CRIM1: variants seen among roughly 807,000 people sequenced by gnomAD.
The protein encoded by CRIM1 is cysteine rich transmembrane BMP regulator 1.
CRIM1 carries 32 observed loss-of-function variants against 116.4 expected under a neutral mutation model. The observed-to-expected ratio is 0.27, with a 90% CI of 0.21 to 0.37. The LOEUF is 0.37. CRIM1 is among the 10% of genes least tolerant of loss of function. CRIM1 has a pLI of 1.00. For synonymous variants in CRIM1, 590 were observed against 509.2 expected (o/e 1.16, Z -2.13); for missense variants, 1,331 against 1,354.8 (o/e 0.98, Z 0.28).
At chr2:36,535,512 T>C (rs1368006668) in intron 13 of CRIM1, among the ~76,000 whole-genome samples, 1 of 152,220 alleles carries the variant, frequency 6.6e-6, no homozygotes, top group Non-Finnish European at 1.5e-5. Flanking sequence ...GAAAAATTGA[T>C]TTCTGATTAC....
intron 2 of CRIM1, among the ~76,000 whole-genome samples, chr2:36,432,508 A>G (rs2124905946): frequency 6.6e-6 from 1 of 152,260 alleles, no homozygotes; most frequent in East Asian, 1.9e-4. Context: ...ATTCAGTAGG[A>G]TGCAAACAGG....
At position 36,479,571 on chromosome 2, in the gene CRIM1, C is replaced by T. The variant is rs1045365045; in HGVS notation, c.1249C>T (p.Arg417Trp). 4.3e-6 allele frequency: 7 copies of T among 1,614,086 alleles called. No homozygotes were observed. Among genetic ancestry groups the T allele is most frequent in the Middle Eastern group, 1.6e-4 (1 of 6,084 alleles). ...GLILAHGDRW[R>W]EDDCTFCQCV... is the part of the protein sequence containing the mutation. ...GATCCTTGCCCACGGAGACCGGTGGCGGGAAGACGACTGCACATTCTGCCA... is the reference window on the plus strand; with the variant it reads ...GATCCTTGCCCACGGAGACCGGTGGTGGGAAGACGACTGCACATTCTGCCA... The change falls in exon 7 of 17, where the codon CGG becomes TGG. Residue 417 changes from arginine to tryptophan, a missense_variant. By Grantham distance (101) the Arg-to-Trp change is moderately radical. This residue lies in a region of CRIM1 where 690 missense variants were observed against 676.0 expected (regional missense o/e 1.02). Transcript: ENST00000280527.
At chr2:36,358,734 C>T (rs1343912792) in intron 1 of CRIM1, among the ~76,000 whole-genome samples, 1 of 151,466 alleles carries the variant, frequency 6.6e-6, no homozygotes, top group African/African-American at 2.4e-5. Context: ...GGCCTGTTTT[C>T]AACTATCAAT....
rs1266317412 is a variant in CRIM1 at position 36,356,987 on chromosome 2, C to G, written c.331+364C>G. 1.3e-5 allele frequency among the ~76,000 whole-genome samples: 2 copies of G among 152,148 alleles called. No individual in the cohort carries two copies. Among genetic ancestry groups the G allele is most frequent in the East Asian group, 3.9e-4 (2 of 5,160 alleles). On this transcript the variant is annotated intron_variant, in intron 1 of 16. Transcript: ENST00000280527. The surrounding 1 kb of genome is among the most constrained non-coding windows in gnomAD (Gnocchi z 4.3). ...GGGGCACTGCAGATTCTGCCGCGCG[C>G]GAGCCCCTCGGGGAGCCCGGCCCTA... is the stretch of plus-strand genomic sequence containing the variant.
chr2:36,539,566 G>A (rs985322998), intron 14 of CRIM1, among the ~76,000 whole-genome samples: 3 of 152,172 alleles, frequency 2.0e-5, no homozygotes, highest in Admixed American at 2.0e-4. Context: ...AGACTGTGGG[G>A]CATGGAGGTC....
chr2:36,417,097 G>C (rs1673678418), intron 2 of CRIM1, among the ~76,000 whole-genome samples: 1 of 152,146 alleles, frequency 6.6e-6, no homozygotes, highest in Admixed American at 6.5e-5. Flanking sequence ...TCTTCAGAAG[G>C]CTGTCATTCT....
intron 1 of CRIM1, among the ~76,000 whole-genome samples, chr2:36,359,556 C>A (rs908901573): frequency 6.6e-6 from 1 of 151,956 alleles, no homozygotes; most frequent in Non-Finnish European, 1.5e-5. Context: ...AGTAAAAGTA[C>A]ATTGAACAAA....
At chr2:36,455,184 A>T (rs1179884134) in intron 4 of CRIM1, among the ~76,000 whole-genome samples, 2 of 152,258 alleles carry the variant, frequency 1.3e-5, no homozygotes, top group African/African-American at 4.8e-5. Flanking sequence ...TGGCTGCAGG[A>T]CTGAGTCACC....
intron 5 of CRIM1, among the ~76,000 whole-genome samples, chr2:36,467,940 C>T (rs1035651727): frequency 2.0e-5 from 3 of 152,172 alleles, no homozygotes; most frequent in Non-Finnish European, 4.4e-5. Flanking sequence ...TGCTTAATTG[C>T]GTTAACACCA....
chr2:36,390,831 A>G (rs761519860), intron 1 of CRIM1, among the ~76,000 whole-genome samples: 1 of 151,956 alleles, frequency 6.6e-6, no homozygotes, highest in African/African-American at 2.4e-5. Context: ...TATTTTTTTG[A>G]CAGAGTCTTG....
At chr2:36,400,544 G>A (rs149023903) in intron 2 of CRIM1, among the ~76,000 whole-genome samples, 2,480 of 152,188 alleles carry the variant, frequency 0.016, 42 homozygotes, top group Middle Eastern at 0.044. Context: ...TTTTTAAAGG[G>A]GAAAAGGAAG....
chr2:36,442,326 G>C (rs983523173), intron 3 of CRIM1, among the ~76,000 whole-genome samples: 5 of 151,594 alleles, frequency 3.3e-5, no homozygotes, highest in African/African-American at 1.2e-4. Context: ...CTATCAATCA[G>C]AAATGCCTCT....
At chr2:36,383,879 A>G (rs1403138865) in intron 1 of CRIM1, among the ~76,000 whole-genome samples, 2 of 152,182 alleles carry the variant, frequency 1.3e-5, no homozygotes, top group African/African-American at 2.4e-5. Context: ...ATACTCAGGG[A>G]ATCAGTTGAT....
chr2:36,400,050 G>A (rs1297622303), intron 2 of CRIM1, among the ~76,000 whole-genome samples: 9 of 152,134 alleles, frequency 5.9e-5, no homozygotes, highest in South Asian at 2.1e-4. Flanking sequence ...AGAGGTAGCC[G>A]GTTGGGTATT....
chr2:36,433,950 T>C (rs1675094538), intron 2 of CRIM1, among the ~76,000 whole-genome samples: 1 of 152,120 alleles, frequency 6.6e-6, no homozygotes, highest in Non-Finnish European at 1.5e-5. Flanking sequence ...GTGCAGTGGG[T>C]GTTTCTGAAC....
At chr2:36,500,669 A>C (rs1680922878) in intron 8 of CRIM1, among the ~76,000 whole-genome samples, 1 of 152,224 alleles carries the variant, frequency 6.6e-6, no homozygotes, top group Non-Finnish European at 1.5e-5. Flanking sequence ...AATAAGCACA[A>C]CTTATATATC....
At chr2:36,388,075 G>T (rs1671304497) in intron 1 of CRIM1, among the ~76,000 whole-genome samples, 1 of 149,626 alleles carries the variant, frequency 6.7e-6, no homozygotes. Flanking sequence ...TTAAGTATTT[G>T]GTAAGTTCCC....
In CRIM1 at chr2:36,356,548, C is replaced by G. The variant is rs756684223; in HGVS notation, c.256C>G (p.Arg86Gly). The change falls in exon 1 of 17, where the codon CGG (arginine) becomes GGG (glycine). Residue 86 changes from arginine to glycine, a missense_variant. Physicochemically the swap from Arg to Gly is moderately radical, Grantham distance 125. Around this residue, in one of 3 missense-constraint regions of CRIM1, gnomAD observed 690 missense variants for 676.0 expected, o/e 1.02. Coordinates refer to ENST00000280527, the MANE Select transcript of CRIM1 (RefSeq NM_016441.3). The surrounding 1 kb of genome is among the most constrained non-coding windows in gnomAD (Gnocchi z 4.3). ...CTTCGGGATTTACGGAACCTGCGAC[C>G]GGGGGCTGCGTTGTGTCATCCGCCC... is the stretch of plus-strand genomic sequence containing the variant. ...GTFGIYGTCDRGLRCVIRPPL... is the reference protein window; with the variant it reads ...GTFGIYGTCDGGLRCVIRPPL... The G allele has an allele frequency of 6.2e-7, 1 of 1,612,680 alleles. No individual in the cohort carries two copies. Among genetic ancestry groups the G allele is most frequent in the Admixed American group, 1.7e-5 (1 of 60,022 alleles).
intron 12 of CRIM1, among the ~76,000 whole-genome samples, chr2:36,520,560 G>A (rs1234830154): frequency 6.6e-6 from 1 of 152,160 alleles, no homozygotes; most frequent in Non-Finnish European, 1.5e-5. Context: ...ATCTGTAATA[G>A]GACCTAGAGT....
Sources: allele counts gnomAD v4.1 joint callset (sites outside exome capture counted in the v4.1 genomes callset), GRCh38; gene constraint gnomAD v4.1.1; regional missense constraint gnomAD v4.1.1; non-coding constraint Gnocchi (gnomAD v3.1); transcripts MANE v1.5; gene names NCBI Gene and HGNC (gene_info 2026-07-23, HGNC 2026-07-21).